Variants in VAV3 observed in about 807,000 individuals in gnomAD.
VAV3 encodes vav guanine nucleotide exchange factor 3.
Under a neutral mutation model 131.2 loss-of-function variants are expected in VAV3, and 94 were observed. The ratio of observed to expected loss-of-function variants is 0.72; its 90% CI spans 0.61 to 0.85. The LOEUF (loss-of-function observed/expected upper bound fraction) is 0.85. VAV3 is among the 40% of genes least tolerant of loss of function. The pLI, the probability that VAV3 is intolerant of heterozygous loss-of-function variation, is 0.00. For missense variants in VAV3, 939 were observed against 1,002.7 expected, an observed-to-expected ratio of 0.94 and a Z score of 0.86; for synonymous variants, 349 against 342.0, an observed-to-expected ratio of 1.02 and a Z score of -0.22.
intron 2 of VAV3, among the ~76,000 whole-genome samples, chr1:107,873,050 C>G (rs972680013): frequency 6.6e-6 from 1 of 152,128 alleles, no homozygotes; most frequent in Non-Finnish European, 1.5e-5. Flanking sequence ...TTGGCAGTAG[C>G]AAAATGTAAG....
At chr1:107,770,246 C>A (rs1664964316) in intron 6 of VAV3, among the ~76,000 whole-genome samples, 1 of 152,144 alleles carries the variant, frequency 6.6e-6, no homozygotes. Context: ...TCACAGAGGG[C>A]TTCTGCTACC....
At chr1:107,666,227 C>G (rs1228665916) in intron 19 of VAV3, among the ~76,000 whole-genome samples, 1 of 152,108 alleles carries the variant, frequency 6.6e-6, no homozygotes, top group East Asian at 1.9e-4. Context: ...AAAATAATGT[C>G]CAGAAAAGTT....
At chr1:107,688,572 A>G in intron 17 of VAV3, 166 bp from the exon 18 acceptor site, 1 of 1,499,178 alleles carries the variant, frequency 6.7e-7, no homozygotes, top group South Asian at 1.3e-5. Context: ...TTATTTTGCA[A>G]CCTTGGTTCT....
At chr1:107,737,146 A>T (rs895232117) in intron 15 of VAV3, among the ~76,000 whole-genome samples, 1 of 152,246 alleles carries the variant, frequency 6.6e-6, no homozygotes, top group African/African-American at 2.4e-5. Context: ...AAAACTGGCT[A>T]GCCATATGTA....
chr1:107,748,305 C>T (rs1226721173), intron 15 of VAV3, among the ~76,000 whole-genome samples: 1 of 152,150 alleles, frequency 6.6e-6, no homozygotes, highest in Non-Finnish European at 1.5e-5. Flanking sequence ...CCTTTCAATC[C>T]TTAAACATCA....
Position 107,875,425 on chromosome 1 carries a change from G to A in VAV3, c.205-408C>T, listed in dbSNP as rs374701535. On this transcript the variant is annotated intron_variant, in intron 1 of 26. Coordinates refer to ENST00000370056, the MANE Select transcript of VAV3 (RefSeq NM_006113.5). ...TTAGAGAAGGTCTCACAGAGAAGAG[G>A]ATGGTGGAGCAGAGATCTGAGGTGC... Among the ~76,000 whole-genome samples the A allele has an allele frequency of 3.9e-5, 6 of 152,258 alleles. No homozygotes were observed. In the East Asian group the frequency reaches 9.7e-4, roughly 25 times the overall value.
chr1:107,820,489 G>A (rs909425606), intron 2 of VAV3, among the ~76,000 whole-genome samples: 1 of 151,922 alleles, frequency 6.6e-6, no homozygotes, highest in African/African-American at 2.4e-5. Flanking sequence ...GTAGGGTGTA[G>A]GGATGGATAA....
At chr1:107,758,621 G>C (rs1664246956) in intron 10 of VAV3, among the ~76,000 whole-genome samples, 2 of 152,078 alleles carry the variant, frequency 1.3e-5, no homozygotes, top group African/African-American at 4.8e-5. Flanking sequence ...CTTCTGACTT[G>C]CAGTCTCTCC....
chr1:107,898,259 G>A (rs1345580718), intron 1 of VAV3, among the ~76,000 whole-genome samples: 1 of 152,068 alleles, frequency 6.6e-6, no homozygotes, highest in Non-Finnish European at 1.5e-5. Flanking sequence ...GTTATTTCTG[G>A]GTAGTGAGAG....
chr1:107,773,986 G>A (rs1665195501), intron 4 of VAV3, among the ~76,000 whole-genome samples: 1 of 152,094 alleles, frequency 6.6e-6, no homozygotes. Flanking sequence ...AGTCAACCTT[G>A]CTGAAGTCCT....
chr1:107,816,673 A>G (rs2102346715), intron 2 of VAV3, among the ~76,000 whole-genome samples: 1 of 152,368 alleles, frequency 6.6e-6, no homozygotes, highest in South Asian at 2.1e-4. Flanking sequence ...TTAACCTGAC[A>G]GCTCAAATTT....
intron 19 of VAV3, among the ~76,000 whole-genome samples, chr1:107,655,396 T>C (rs1656470111): frequency 6.6e-6 from 1 of 152,142 alleles, no homozygotes; most frequent in African/African-American, 2.4e-5. Context: ...CAGTAAATGG[T>C]GCTGGGAAAA....
At chr1:107,904,964 G>A (rs993379351) in intron 1 of VAV3, among the ~76,000 whole-genome samples, 4 of 152,204 alleles carry the variant, frequency 2.6e-5, no homozygotes, top group African/African-American at 9.6e-5. Context: ...AATGCTTGAA[G>A]TAAATAGGAA....
chr1:107,784,783 A>C (rs1329033263), intron 2 of VAV3, among the ~76,000 whole-genome samples: 1 of 152,222 alleles, frequency 6.6e-6, no homozygotes, highest in Non-Finnish European at 1.5e-5. Context: ...AAAGAGTAAT[A>C]CCTTGCTAAA....
chr1:107,805,955 G>A (rs576244015), intron 2 of VAV3, among the ~76,000 whole-genome samples: 2 of 152,266 alleles, frequency 1.3e-5, no homozygotes, highest in South Asian at 4.1e-4. Flanking sequence ...AGGGATACTA[G>A]CAGTGTGGGG....
chr1:107,835,622 A>G (rs768503048), intron 2 of VAV3, among the ~76,000 whole-genome samples: 8 of 152,202 alleles, frequency 5.3e-5, no homozygotes, highest in Non-Finnish European at 7.3e-5. Context: ...AGTTTGGGAA[A>G]AAACTAGCAG....
intron 15 of VAV3, among the ~76,000 whole-genome samples, chr1:107,725,630 T>TC (rs1661792976): frequency 6.6e-6 from 1 of 152,150 alleles, no homozygotes; most frequent in Non-Finnish European, 1.5e-5. Flanking sequence ...TTCTCATCCC[T>TC]CAGCCTCCCG....
intron 1 of VAV3, among the ~76,000 whole-genome samples, chr1:107,884,463 T>G (rs345296): frequency 0.99 from 147,052 of 148,468 alleles, 72,830 homozygotes; most frequent in East Asian, 1. Flanking sequence ...TTGAGACAGG[T>G]TCTTTCTTGC....
intron 1 of VAV3, among the ~76,000 whole-genome samples, chr1:107,915,219 T>C (rs538291867): frequency 7.9e-5 from 12 of 152,128 alleles, no homozygotes; most frequent in Middle Eastern, 3.4e-3. Flanking sequence ...CCATGAAAAA[T>C]TGTGGTAATG....
Sources: gnomAD v4.1 joint callset for allele counts (sites outside exome capture counted in the v4.1 genomes callset) on GRCh38, gnomAD v4.1.1 for gene constraint, MANE v1.5 for transcripts, NCBI Gene and HGNC (gene_info 2026-07-23, HGNC 2026-07-21) for gene names.